Variants in DEPDC1 observed in about 807,000 individuals in gnomAD.
The protein encoded by DEPDC1 is DEP domain containing 1, also known as DEP domain-containing protein 1A.
Under a neutral mutation model 86.8 loss-of-function variants are expected in DEPDC1, and 66 were observed. The observed-to-expected ratio is 0.76, with a 90% CI of 0.62 to 0.93. DEPDC1 has a LOEUF of 0.93. Ranked by LOEUF, DEPDC1 falls within the 40% of genes least tolerant of loss-of-function variation. The pLI is 0.00. For missense variants in DEPDC1, 792 were observed against 935.7 expected, an observed-to-expected ratio of 0.85 and a Z score of 2.00; for synonymous variants, 255 against 314.9, an observed-to-expected ratio of 0.81 and a Z score of 2.02.
chr1:68,491,780 T>C (rs1317189351), intron 2 of DEPDC1, among the ~76,000 whole-genome samples: 1 of 152,162 alleles, frequency 6.6e-6, no homozygotes, highest in African/African-American at 2.4e-5. Context: ...TATCAATTTT[T>C]TTTTCTTCTC....
chr1:68,488,532 T>C (rs1426882911), intron 4 of DEPDC1, 28 bp from the exon 5 acceptor site: 3 of 1,572,592 alleles, frequency 1.9e-6, no homozygotes, highest in Non-Finnish European at 8.7e-7. Context: ...TATTAACTTT[T>C]TTTCTTCATA....
intron 11 of DEPDC1, 144 bp from the exon 12 acceptor site, chr1:68,477,213 C>A: frequency 1.7e-6 from 1 of 585,266 alleles, no homozygotes; most frequent in Non-Finnish European, 2.8e-6. Context: ...TTGCCTTTCC[C>A]TCTCTCTTCT....
At chr1:68,480,207 T>G (rs1646145464) in intron 9 of DEPDC1, among the ~76,000 whole-genome samples, 1 of 149,924 alleles carries the variant, frequency 6.7e-6, no homozygotes, top group Non-Finnish European at 1.5e-5. Context: ...TCTCACTTAT[T>G]ACTCTCGTTA....
In DEPDC1 at chr1:68,482,476, A is replaced by G. The variant is rs551942961; in HGVS notation, c.1332T>C (p.Ser444=). ...TATTTTGTCCTTCTATGTTCGGAAA[A>G]GATTGATGAAAGACACTGGATGCCT... ...SKEASSVFHQ[S]FPNIEGQNNK... Residue 444 remains serine, a synonymous_variant, in exon 8 of 12, where the codon TCT becomes TCC. Transcript: ENST00000456315. The G allele has an allele frequency of 1.9e-6, 3 of 1,613,068 alleles. No individual in the cohort carries two copies. In the African/African-American group the frequency reaches 4.0e-5, roughly 22 times the overall value.
At chr1:68,482,009 A>T in intron 8 of DEPDC1, 37 bp downstream of exon 8, 1 of 1,521,042 alleles carries the variant, frequency 6.6e-7, no homozygotes, top group Non-Finnish European at 8.8e-7. Flanking sequence ...TAAACACTCA[A>T]AGTTAATATT....
At chr1:68,484,134 T>G in intron 6 of DEPDC1, 44 bp from the exon 7 acceptor site, 1 of 1,387,744 alleles carries the variant, frequency 7.2e-7, no homozygotes, top group Non-Finnish European at 9.6e-7. Context: ...TATATTTTAA[T>G]TTAAATACAA....
chr1:68,494,855 A>G (rs1646254111), intron 1 of DEPDC1, among the ~76,000 whole-genome samples, 160 bp from the exon 2 acceptor site: 1 of 152,156 alleles, frequency 6.6e-6, no homozygotes, highest in Non-Finnish European at 1.5e-5. Flanking sequence ...ATAAAATTTT[A>G]TATCTGGCCG....
chr1:68,496,987 C>G lies in DEPDC1; in HGVS notation c.13G>C (p.Gly5Arg). ...GCCCGATAAGGCCCGGGAGGCACACCCTGACTCTCCATAGGTCTGTCAGCG... is the reference window on the plus strand; with the variant it reads ...GCCCGATAAGGCCCGGGAGGCACACGCTGACTCTCCATAGGTCTGTCAGCG... MESQ[G>R]VPPGPYRATK... The change falls in exon 1 of 12, where the codon GGT (glycine) becomes CGT (arginine). Residue 5 changes from glycine (G) to arginine (R), a missense_variant. Coordinates refer to ENST00000456315, the MANE Select transcript of DEPDC1 (RefSeq NM_001114120.3). The surrounding 1 kb of genome is among the most constrained non-coding windows in gnomAD (Gnocchi z 4.0). 1 of 1,613,462 alleles carries G rather than the reference C, an allele frequency of 6.2e-7. No homozygotes were observed. Among genetic ancestry groups the G allele is most frequent in the African/African-American group, 1.3e-5 (1 of 74,992 alleles).
At chr1:68,483,077 C>T in intron 7 of DEPDC1, 180 bp from the exon 8 acceptor site, 1 of 633,030 alleles carries the variant, frequency 1.6e-6, no homozygotes, top group Non-Finnish European at 2.7e-6. Flanking sequence ...CATTCGGTTA[C>T]AAACGTGCAA....
chr1:68,496,869 C>T lies in DEPDC1; in HGVS notation c.48+83G>A. ...ACTCATCCCTCCGACCGAGGTAAAA[C>T]TGCGAACGGTCGAGGTAAAACTGCG... is the stretch of plus-strand genomic sequence containing the variant. On this transcript the variant is annotated intron_variant, in intron 1 of 11. Coordinates refer to ENST00000456315, the MANE Select transcript of DEPDC1 (RefSeq NM_001114120.3). The surrounding 1 kb of genome is among the most constrained non-coding windows in gnomAD (Gnocchi z 4.0). 5 of 1,437,552 alleles carry T rather than the reference C, an allele frequency of 3.5e-6. No individual in the cohort carries two copies. Among genetic ancestry groups the T allele is most frequent in the Non-Finnish European group, 4.8e-6 (5 of 1,031,958 alleles). 89.0% of individuals were successfully genotyped at this position (1,437,552 alleles called of 1,614,324 possible).
chr1:68,486,967 C>T lies in DEPDC1; in HGVS notation c.739G>A (p.Val247Ile). 6.2e-7 allele frequency: 1 copy of T among 1,601,228 alleles called. No individual in the cohort carries two copies. Among genetic ancestry groups the T allele is most frequent in the Non-Finnish European group, 8.5e-7 (1 of 1,174,772 alleles). The change falls in exon 6 of 12, where the codon GTA (valine) becomes ATA (isoleucine). Residue 247 changes from valine (V) to isoleucine (I), a missense_variant. Physicochemically the swap from Val to Ile is conservative, Grantham distance 29. Coordinates refer to ENST00000456315, the MANE Select transcript of DEPDC1 (RefSeq NM_001114120.3). ...GCTAGGCACTTCATGGCAGATAATA[C>T]CCAGTGAGGGAGGTCATCTACACAA... ...QNKSDDLPHW[V>I]LSAMKCLANW...
intron 5 of DEPDC1, 29 bp from the exon 6 acceptor site, chr1:68,487,013 A>G (rs757996367): frequency 1.9e-6 from 3 of 1,584,664 alleles, no homozygotes; most frequent in Admixed American, 3.7e-5. Context: ...ATTACTAAGT[A>G]AACCATACAT....
chr1:68,480,814 A>C (rs908667773), intron 9 of DEPDC1, among the ~76,000 whole-genome samples: 1 of 151,978 alleles, frequency 6.6e-6, no homozygotes, highest in Non-Finnish European at 1.5e-5. Flanking sequence ...ATTCCTTGCT[A>C]TAAGAACCTC....
Position 68,496,558 on chromosome 1 carries a change from C to T in DEPDC1, c.48+394G>A, listed in dbSNP as rs1646266562. ...CGGGCTTGCCCCCCACCTAACCCTA[C>T]AAAGCTTTGGACCTCATTCCCAATT... is the stretch of plus-strand genomic sequence containing the variant. On this transcript the variant is annotated intron_variant, in intron 1 of 11. Coordinates refer to ENST00000456315, the MANE Select transcript of DEPDC1 (RefSeq NM_001114120.3). This position sits in a 1 kb window ranked among gnomAD's most constrained non-coding sequence, Gnocchi z 4.0. 5.1e-6 allele frequency: 1 copy of T among 197,810 alleles called. No homozygotes were observed. The highest frequency in any genetic ancestry group is 2.3e-5 in the African/African-American group (1 of 43,292). The allele number at this position is 197,810 out of a possible 1,614,324, so 12.3% of individuals were successfully genotyped here. A position where few individuals can be genotyped will look rare whatever the true frequency, so the allele number is the denominator to read the frequency against.
chr1:68,485,345 T>C (rs1646186364), intron 6 of DEPDC1, among the ~76,000 whole-genome samples: 1 of 152,054 alleles, frequency 6.6e-6, no homozygotes, highest in African/African-American at 2.4e-5. Context: ...ATAGAGAATC[T>C]AGGTTTGAGC....
Position 68,476,734 on chromosome 1 carries a change from T to C in DEPDC1, c.*198A>G, listed in dbSNP as rs1646117696. On this transcript the variant is annotated 3_prime_UTR_variant, in exon 12 of 12. Transcript: ENST00000456315. ...AACAAAAAGTATTTGGTATCATCTA[T>C]TGTTATGTGCTCTCAATTGAGATCT... The C allele has an allele frequency of 2.1e-6, 1 of 468,426 alleles. No individual in the cohort carries two copies. Among genetic ancestry groups the C allele is most frequent in the Non-Finnish European group, 3.7e-6 (1 of 267,284 alleles). 29.0% of individuals were successfully genotyped at this position (468,426 alleles called of 1,614,324 possible).
At chr1:68,477,447 A>G (rs548664515) in intron 11 of DEPDC1, among the ~76,000 whole-genome samples, 1 of 151,864 alleles carries the variant, frequency 6.6e-6, no homozygotes, top group Admixed American at 6.6e-5. Context: ...TAAAAATTCT[A>G]AAACAGTGAT....
Position 68,476,824 on chromosome 1 carries a change from T to C in DEPDC1, c.*108A>G. On this transcript the variant is annotated 3_prime_UTR_variant, in exon 12 of 12. Transcript: ENST00000456315. ...GCACTTCCTTACATAATGTGTTTAT[T>C]TAGAAATACCTTATTAATGACAGAC... is the stretch of plus-strand genomic sequence containing the variant. 1 of 1,025,444 alleles carries C rather than the reference T, an allele frequency of 9.8e-7. No homozygotes were observed. The allele number at this position is 1,025,444 out of a possible 1,614,324, so 63.5% of individuals were successfully genotyped here. A position where few individuals can be genotyped will look rare whatever the true frequency, so the allele number is the denominator to read the frequency against.
chr1:68,477,883 T>G lies in DEPDC1; in HGVS notation c.2202A>C (p.Lys734Asn). The part of the protein sequence containing the change: ...QISAQEFDEQ[K>N]VSTSQAAIAE... ...CAATTGCAGCTTGAGAGGTAGAAAC[T>G]TTTTGCTCATCAAACTCCTGAGCAC... Residue 734 changes from lysine to asparagine, a missense_variant, in exon 11 of 12, where the codon AAA becomes AAC. Lys to Asn is a moderately conservative substitution (Grantham distance 94). Coordinates refer to ENST00000456315, the MANE Select transcript of DEPDC1 (RefSeq NM_001114120.3). 1.3e-6 allele frequency: 2 copies of G among 1,590,120 alleles called. No homozygotes were observed. The highest frequency in any genetic ancestry group is 1.7e-6 in the Non-Finnish European group (2 of 1,167,586).
Sources: allele counts gnomAD v4.1 joint callset (sites outside exome capture counted in the v4.1 genomes callset), GRCh38; gene constraint gnomAD v4.1.1; non-coding constraint Gnocchi (gnomAD v3.1); transcripts MANE v1.5; gene names NCBI Gene and HGNC (gene_info 2026-07-23, HGNC 2026-07-21).